The following USP45 variants were observed in gnomAD, a reference collection of about 807,000 sequenced individuals.
The protein encoded by USP45 is ubiquitin carboxyl-terminal hydrolase 45.
Under a neutral mutation model 95.8 loss-of-function variants are expected in USP45, and 89 were observed. The ratio of observed to expected loss-of-function variants is 0.93; its 90% CI spans 0.78 to 1.11. USP45 has a LOEUF of 1.11. USP45 is among the 50% of genes least tolerant of loss of function. USP45 has a pLI of 0.00. For missense variants in USP45, 898 were observed against 942.5 expected (o/e 0.95, Z 0.62); for synonymous variants, 281 against 316.2 (o/e 0.89, Z 1.18).
rs1345568455 is a variant in USP45, at chr6:99,433,044, A to G, written c.*2672T>C. On this transcript the variant is annotated 3_prime_UTR_variant, in exon 18 of 18. Transcript: ENST00000500704. ...GGTCTCACTCCGTCACTCTGCAGGA[A>G]TGCAGTGGTGTGATCATGGTTCACT... 1.3e-5 allele frequency: 2 copies of G among 152,176 alleles called. No homozygotes were observed. Among genetic ancestry groups the G allele is most frequent in the African/African-American group, 4.8e-5 (2 of 41,432 alleles). The allele number at this position is 152,176 out of a possible 1,614,324, so 9.4% of individuals were successfully genotyped here.
At chr6:99,495,150 C>T (rs1393128631) in intron 5 of USP45, among the ~76,000 whole-genome samples, 1 of 152,122 alleles carries the variant, frequency 6.6e-6, no homozygotes, top group Non-Finnish European at 1.5e-5. Flanking sequence ...ACCCTTTGTA[C>T]AAGCTTTCTT....
intron 5 of USP45, among the ~76,000 whole-genome samples, chr6:99,501,277 TATC>T (rs903858428): frequency 2.0e-5 from 3 of 152,010 alleles, no homozygotes; most frequent in Admixed American, 2.0e-4. Flanking sequence ...AGCAATCACT[TATC>T]TTTATTTTTT....
At chr6:99,475,211 G>C (rs1229618773) in intron 9 of USP45, among the ~76,000 whole-genome samples, 1 of 151,982 alleles carries the variant, frequency 6.6e-6, no homozygotes, top group Non-Finnish European at 1.5e-5. Context: ...TACAGAGCCA[G>C]AGAAACTAGG....
rs752763931 is a variant in USP45, at chr6:99,473,282, G to C, written c.933+2861C>G. Among the ~76,000 whole-genome samples, 118 of 152,228 alleles carry C rather than the reference G, an allele frequency of 7.8e-4. 1 individual carries two copies. Among genetic ancestry groups the C allele is most frequent in the Non-Finnish European group, 1.4e-3 (96 of 68,010 alleles). On this transcript the variant is annotated intron_variant, in intron 9 of 17. Coordinates refer to ENST00000500704, the MANE Select transcript of USP45 (RefSeq NM_001346022.3). ...GAGCCCGGAGTGGCAGCTCATGCCT[G>C]TGATCCCAGCACTTTGGGAGGCCGA...
At chr6:99,506,603 C>T (rs1280117318) in intron 4 of USP45, among the ~76,000 whole-genome samples, 2 of 152,130 alleles carry the variant, frequency 1.3e-5, no homozygotes, top group Non-Finnish European at 2.9e-5. Context: ...GCCATCACGC[C>T]CCACAAAAAA....
At chr6:99,465,161 C>A in intron 11 of USP45, 25 bp from the exon 12 acceptor site, 1 of 1,559,460 alleles carries the variant, frequency 6.4e-7, no homozygotes, top group Non-Finnish European at 8.7e-7. Flanking sequence ...ACATTGAAAA[C>A]TTCAGTTAGA....
chr6:99,478,218 TTG>T lies in USP45; in HGVS notation c.846-1990_846-1989del, dbSNP rs1460896930. On this transcript the variant is annotated intron_variant, in intron 8 of 17. Coordinates refer to ENST00000500704, the MANE Select transcript of USP45 (RefSeq NM_001346022.3). The stretch of plus-strand genomic sequence containing the variant: ...TGAAGAAAATTTAATAAACTTAGAT[TTG>T]TTTTTTTTTTTTTTTTTTTTTTTTA... Among the ~76,000 whole-genome samples the T allele has an allele frequency of 2.1e-4, 24 of 114,348 alleles. No individual in the cohort carries two copies. In the East Asian group the frequency reaches 3.1e-3, roughly 15 times the overall value. The allele number at this position is 114,348 out of a possible 152,430, so 75.0% of individuals were successfully genotyped here. A position where few individuals can be genotyped will look rare whatever the true frequency, so the allele number is the denominator to read the frequency against.
rs766336000 is a variant in USP45 at position 99,508,790 on chromosome 6, A to T, written c.101-8T>A. 1.9e-6 allele frequency: 3 copies of T among 1,598,492 alleles called. No homozygotes were observed. In the Admixed American group the frequency reaches 5.2e-5, roughly 28 times the overall value. Reference sequence around the variant, plus strand: ...GTTGGCAAGTTAAACCTACTGAATAAGATAAAACAAAATCTCAACATTTTC... The same window carrying T: ...GTTGGCAAGTTAAACCTACTGAATATGATAAAACAAAATCTCAACATTTTC... On this transcript the variant is annotated splice_polypyrimidine_tract_variant and splice_region_variant and intron_variant, in intron 2 of 17. Transcript: ENST00000500704.
In USP45 at chr6:99,466,742, T is replaced by G. The variant is rs1173856686; in HGVS notation, c.1037A>C (p.Lys346Thr). 1 of 1,613,404 alleles carries G rather than the reference T, an allele frequency of 6.2e-7. No homozygotes were observed. Among genetic ancestry groups the G allele is most frequent in the Admixed American group, 1.7e-5 (1 of 59,966 alleles). ...AAAGATCCGATCTATGAAGTTCATT[T>G]TCACACCTTCTTTTCCATATGCTGT... ...KVKAYGKEGV[K>T]MNFIDRIFIG... The change falls in exon 11 of 18, where the codon AAA (lysine) becomes ACA (threonine). Residue 346 changes from lysine to threonine, a missense_variant. Transcript: ENST00000500704.
Position 99,462,201 on chromosome 6 carries a change from T to C in USP45, c.1308+2403A>G, listed in dbSNP as rs564555790. The C allele has an allele frequency of 1.9e-5, 19 of 975,836 alleles. No individual in the cohort carries two copies. The Admixed American group carries it at 1.2e-3, about 60-fold the overall frequency. The allele number at this position is 975,836 out of a possible 1,614,324, so 60.4% of individuals were successfully genotyped here. ...TAAAAAAGTAACAAAAAATATTATA[T>C]GAAAAAAATTTTCAATAAAGAGTAG... is the stretch of plus-strand genomic sequence containing the variant. On this transcript the variant is annotated intron_variant, in intron 13 of 17. Transcript: ENST00000500704.
At chr6:99,509,101 C>T (rs1360724092) in intron 2 of USP45, among the ~76,000 whole-genome samples, 1 of 152,204 alleles carries the variant, frequency 6.6e-6, no homozygotes, top group Non-Finnish European at 1.5e-5. Context: ...CAAAGCTATA[C>T]ATGTACTAAA....
chr6:99,453,212 G>T (rs905374894), intron 13 of USP45, among the ~76,000 whole-genome samples: 1 of 141,378 alleles, frequency 7.1e-6, no homozygotes, highest in Non-Finnish European at 1.5e-5. Flanking sequence ...AATTGGAAAA[G>T]AAGTCAAATT....
chr6:99,471,260 T>C (rs986706061), intron 9 of USP45, among the ~76,000 whole-genome samples: 4 of 152,332 alleles, frequency 2.6e-5, no homozygotes, highest in South Asian at 2.1e-4. Flanking sequence ...TTAAGAGTTG[T>C]GCTTTGAACA....
intron 13 of USP45, chr6:99,462,409 CCTAA>C (rs1338500741): frequency 4.1e-6 from 4 of 984,008 alleles, no homozygotes; most frequent in Admixed American, 6.2e-5. Context: ...CACAGAATCT[CCTAA>C]CTCTTTAAAC....
intron 5 of USP45, among the ~76,000 whole-genome samples, chr6:99,498,955 T>G (rs1360121429): frequency 6.6e-6 from 1 of 152,206 alleles, no homozygotes; most frequent in Non-Finnish European, 1.5e-5. Flanking sequence ...TTCATTTTTA[T>G]TTTTAGAGCC....
chr6:99,447,935 G>C (rs972595067), intron 13 of USP45, among the ~76,000 whole-genome samples: 7 of 152,118 alleles, frequency 4.6e-5, no homozygotes, highest in Non-Finnish European at 8.8e-5. Context: ...AGGCAAACAG[G>C]GCCTGGAGTG....
chr6:99,507,459 T>C lies in USP45; in HGVS notation c.346A>G (p.Ile116Val), dbSNP rs1410536382. The C allele has an allele frequency of 6.2e-7, 1 of 1,612,102 alleles. No homozygotes were observed. The highest frequency in any genetic ancestry group is 8.5e-7 in the Non-Finnish European group (1 of 1,179,024). ...FKSSRTEPHC[I>V]IINLSTWIIW... The stretch of plus-strand genomic sequence containing the variant: ...ATCCATGTGCTCAGATTAATTATAA[T>C]ACAATGGGGCTCTGTTCTGGAACTC... Residue 116 changes from isoleucine (I) to valine (V), a missense_variant, in exon 4 of 18, where the codon ATT becomes GTT. Ile to Val is a conservative substitution (Grantham distance 29, BLOSUM62 3). Coordinates refer to ENST00000500704, the MANE Select transcript of USP45 (RefSeq NM_001346022.3).
chr6:99,443,769 A>C, intron 14 of USP45, 107 bp from the exon 15 acceptor site: 1 of 712,410 alleles, frequency 1.4e-6, no homozygotes, highest in South Asian at 3.0e-5. Context: ...AAAAATGTTA[A>C]AGAAATTGGA....
intron 2 of USP45, among the ~76,000 whole-genome samples, chr6:99,509,852 G>C (rs1799385101): frequency 6.6e-6 from 1 of 152,028 alleles, no homozygotes; most frequent in African/African-American, 2.4e-5. Flanking sequence ...GGTGGGGTGG[G>C]GTAGTTGGTT....
Sources: gnomAD v4.1 joint callset for allele counts (sites outside exome capture counted in the v4.1 genomes callset) on GRCh38, gnomAD v4.1.1 for gene constraint, MANE v1.5 for transcripts, NCBI Gene and HGNC (gene_info 2026-07-23, HGNC 2026-07-21) for gene names.